CENPP: variants seen among roughly 807,000 people sequenced by gnomAD.
CENPP encodes centromere protein P.
In CENPP, 24 loss-of-function variants were observed where a neutral mutation model predicts 35.6. That is an observed-to-expected ratio of 0.67 (90% CI 0.49 to 0.95). The LOEUF (loss-of-function observed/expected upper bound fraction) is 0.95. CENPP is among the 40% of genes least tolerant of loss of function. The pLI is 0.00. For missense variants in CENPP, 332 were observed against 345.3 expected, an observed-to-expected ratio of 0.96 and a Z score of 0.31; for synonymous variants, 120 against 125.5, an observed-to-expected ratio of 0.96 and a Z score of 0.29.
chr9:92,325,722 C>T, upstream of CENPP: 2 of 410,498 alleles, frequency 4.9e-6, no homozygotes, highest in South Asian at 3.1e-5. Context: ...AGCGCTTGGG[C>T]TTGGAGTAGC....
chr9:92,598,291 A>C (rs1164007611), intron 5 of CENPP, among the ~76,000 whole-genome samples: 1 of 152,166 alleles, frequency 6.6e-6, no homozygotes, highest in East Asian at 1.9e-4. Context: ...GGAGGGGAGA[A>C]GGTGGGCATG....
At chr9:92,431,634 G>A (rs1844111494) in intron 5 of CENPP, among the ~76,000 whole-genome samples, 1 of 152,064 alleles carries the variant, frequency 6.6e-6, no homozygotes, top group Non-Finnish European at 1.5e-5. Context: ...GGGTGCAGTG[G>A]CATGATGTTG....
chr9:92,381,524 T>C (rs1842244653), intron 5 of CENPP, among the ~76,000 whole-genome samples: 1 of 152,194 alleles, frequency 6.6e-6, no homozygotes, highest in Non-Finnish European at 1.5e-5. Context: ...GCTCAAGCAA[T>C]TGACCTATCT....
intron 5 of CENPP, among the ~76,000 whole-genome samples, chr9:92,591,253 A>C (rs1351764343): frequency 1.3e-5 from 2 of 152,062 alleles, no homozygotes; most frequent in Non-Finnish European, 2.9e-5. Context: ...CCCCGCCTCT[A>C]CTAAAAATAC....
rs796707718 is a variant in CENPP, at chr9:92,344,045, G to C, written c.379-1654G>C. Among the ~76,000 whole-genome samples the C allele has an allele frequency of 2.0e-5, 3 of 151,250 alleles. No homozygotes were observed. The South Asian group carries it at 6.3e-4, about 32-fold the overall frequency. On this transcript the variant is annotated intron_variant, in intron 3 of 7. Coordinates refer to ENST00000375587, the MANE Select transcript of CENPP (RefSeq NM_001012267.3). ...CTCTACCCATAATCCTTCAGTTGTAGAGGAGAATGAGAACTGTGGGCTTAA... is the reference window on the plus strand; with the variant it reads ...CTCTACCCATAATCCTTCAGTTGTACAGGAGAATGAGAACTGTGGGCTTAA...
chr9:92,467,278 G>A (rs1845350055), intron 5 of CENPP, among the ~76,000 whole-genome samples: 1 of 152,168 alleles, frequency 6.6e-6, no homozygotes, highest in African/African-American at 2.4e-5. Context: ...CATGTCCAAG[G>A]GTGCATGGCT....
At chr9:92,344,977 C>T (rs1435701697) in intron 3 of CENPP, among the ~76,000 whole-genome samples, 1 of 151,576 alleles carries the variant, frequency 6.6e-6, no homozygotes, top group Non-Finnish European at 1.5e-5. Context: ...GACCGCCTGG[C>T]ACGGTGGCTC....
At chr9:92,586,237 G>C (rs968055937) in intron 5 of CENPP, among the ~76,000 whole-genome samples, 1 of 152,150 alleles carries the variant, frequency 6.6e-6, no homozygotes, top group Admixed American at 6.5e-5. Context: ...TAGAGACAGG[G>C]TTTCGCCATG....
At chr9:92,334,961 C>A (rs896040562) in intron 2 of CENPP, among the ~76,000 whole-genome samples, 2 of 151,530 alleles carry the variant, frequency 1.3e-5, no homozygotes, top group Admixed American at 6.6e-5. Flanking sequence ...CCGAGGCGGG[C>A]GAATCACTTG....
At chr9:92,583,580 T>C (rs1850479445) in intron 5 of CENPP, among the ~76,000 whole-genome samples, 1 of 152,220 alleles carries the variant, frequency 6.6e-6, no homozygotes, top group Non-Finnish European at 1.5e-5. Flanking sequence ...CTTTATTTCA[T>C]TCTTAGCATT....
intron 4 of CENPP, among the ~76,000 whole-genome samples, chr9:92,371,818 T>A (rs1842010532): frequency 6.6e-6 from 1 of 151,576 alleles, no homozygotes; most frequent in Non-Finnish European, 1.5e-5. Context: ...AATTGTTACA[T>A]GTTTTTTCTG....
At chr9:92,573,503 G>A (rs1024521052) in intron 5 of CENPP, among the ~76,000 whole-genome samples, 4 of 152,120 alleles carry the variant, frequency 2.6e-5, no homozygotes, top group Non-Finnish European at 5.9e-5. Context: ...GGTGTCAGTC[G>A]GCCCCTACTT....
chr9:92,569,294 C>T (rs1850074212), intron 5 of CENPP, among the ~76,000 whole-genome samples: 4 of 152,204 alleles, frequency 2.6e-5, no homozygotes, highest in Admixed American at 2.6e-4. Flanking sequence ...CAGCTTTCTA[C>T]ATATAGCTAG....
intron 5 of CENPP, among the ~76,000 whole-genome samples, chr9:92,451,415 G>A (rs1315524146): frequency 9.8e-5 from 14 of 143,422 alleles, no homozygotes; most frequent in East Asian, 4.0e-4. Context: ...GTAGATATGC[G>A]GCGTTATTTC....
intron 5 of CENPP, among the ~76,000 whole-genome samples, chr9:92,589,902 C>T (rs1446474482): frequency 6.6e-6 from 1 of 151,570 alleles, no homozygotes; most frequent in Non-Finnish European, 1.5e-5. Context: ...TTTTATTCAC[C>T]CTTTAATTAT....
chr9:92,451,867 A>T (rs375476311), intron 5 of CENPP, among the ~76,000 whole-genome samples: 12 of 151,890 alleles, frequency 7.9e-5, no homozygotes, highest in Non-Finnish European at 1.3e-4. Context: ...GCAATTGTGA[A>T]TGGGAGTTCA....
At chr9:92,483,898 T>C (rs1056297369) in intron 5 of CENPP, among the ~76,000 whole-genome samples, 1 of 152,226 alleles carries the variant, frequency 6.6e-6, no homozygotes, top group Non-Finnish European at 1.5e-5. Context: ...GGCCCCATCC[T>C]AGCCCTGCAG....
intron 5 of CENPP, chr9:92,535,853 A>G (rs1849137815): frequency 2.6e-6 from 1 of 377,590 alleles, no homozygotes; most frequent in African/African-American, 2.1e-5. Flanking sequence ...TCAAGAGTTA[A>G]ACAGTTGTGA....
chr9:92,611,410 C>G lies in CENPP; in HGVS notation c.644+17C>G. The G allele has an allele frequency of 6.2e-7, 1 of 1,600,780 alleles. No homozygotes were observed. The highest frequency in any genetic ancestry group is 8.5e-7 in the Non-Finnish European group (1 of 1,172,486). On this transcript the variant is annotated intron_variant, in intron 6 of 7. Coordinates refer to ENST00000375587, the MANE Select transcript of CENPP (RefSeq NM_001012267.3). ...CCGGCCAGGGTGAGCCTGCACAGGC[C>G]ATGGGGCCTCCCATTTCCTGTTCAA...
Sources: allele counts gnomAD v4.1 joint callset (sites outside exome capture counted in the v4.1 genomes callset), GRCh38; gene constraint gnomAD v4.1.1; transcripts MANE v1.5; gene names NCBI Gene and HGNC (gene_info 2026-07-23, HGNC 2026-07-21).